Variants in CDH18 observed in about 807,000 individuals in gnomAD.
The protein encoded by CDH18 is cadherin-18.
CDH18 carries 31 observed loss-of-function variants against 67.9 expected under a neutral mutation model. The ratio of observed to expected loss-of-function variants is 0.46; its 90% CI spans 0.34 to 0.62. The LOEUF (loss-of-function observed/expected upper bound fraction) is 0.62. Ranked by LOEUF, CDH18 falls within the 20% of genes least tolerant of loss-of-function variation. The pLI is 0.01. For missense variants in CDH18, 890 were observed against 975.5 expected (o/e 0.91, Z 1.17); for synonymous variants, 362 against 347.2 (o/e 1.04, Z -0.48).
chr5:20,101,502 T>C (rs1180691232), intron 2 of CDH18, among the ~76,000 whole-genome samples: 1 of 152,194 alleles, frequency 6.6e-6, no homozygotes, highest in African/African-American at 2.4e-5. Context: ...ATGGGCTGAC[T>C]TGAAGATGCA....
intron 2 of CDH18, among the ~76,000 whole-genome samples, chr5:20,142,896 G>A (rs529494616): frequency 1.3e-5 from 2 of 152,286 alleles, no homozygotes; most frequent in East Asian, 3.9e-4. Flanking sequence ...TGTGTTTGTA[G>A]GAGTTTGTTA....
At chr5:19,937,522 G>T (rs910755834) in intron 2 of CDH18, among the ~76,000 whole-genome samples, 2 of 151,350 alleles carry the variant, frequency 1.3e-5, no homozygotes, top group African/African-American at 2.4e-5. Context: ...AGTTTTGATT[G>T]CAAATATGTT....
intron 2 of CDH18, among the ~76,000 whole-genome samples, chr5:20,156,950 T>C (rs958937893): frequency 6.6e-6 from 1 of 152,166 alleles, no homozygotes; most frequent in Non-Finnish European, 1.5e-5. Flanking sequence ...GATGGATACA[T>C]TTCAATACCT....
chr5:20,094,400 G>A (rs951893203), intron 2 of CDH18, among the ~76,000 whole-genome samples: 5 of 152,126 alleles, frequency 3.3e-5, no homozygotes, highest in African/African-American at 1.2e-4. Context: ...GTACTGTGAT[G>A]CCTCCAGCTT....
chr5:19,946,096 T>A (rs1332805652), intron 2 of CDH18, among the ~76,000 whole-genome samples: 1 of 151,732 alleles, frequency 6.6e-6, no homozygotes, highest in Non-Finnish European at 1.5e-5. Flanking sequence ...TGGAAAGAAC[T>A]CATAAAAGCA....
At chr5:20,281,435 G>C (rs369661506) in intron 1 of CDH18, among the ~76,000 whole-genome samples, 4 of 152,106 alleles carry the variant, frequency 2.6e-5, no homozygotes, top group Middle Eastern at 3.2e-3. Flanking sequence ...TGGCTAGCCA[G>C]TTTTCCCAGC....
intron 8 of CDH18, among the ~76,000 whole-genome samples, chr5:19,561,506 G>C (rs767611123): frequency 5.3e-5 from 8 of 152,174 alleles, no homozygotes; most frequent in African/African-American, 1.4e-4. Context: ...GGGGACTTGG[G>C]GGAAAGGGTG....
In CDH18 at chr5:19,543,999, G is replaced by T; in HGVS notation, c.1260C>A (p.Phe420Leu). 6.5e-7 allele frequency: 1 copy of T among 1,546,856 alleles called. No individual in the cohort carries two copies. Among genetic ancestry groups the T allele is most frequent in the Non-Finnish European group, 8.8e-7 (1 of 1,138,226 alleles). ...TGTCGTCTTCAACATTGTAGTTGAT[G>T]AAGTATCTAGAGAAAAAAAGAGAAG... The part of the protein sequence containing the change: ...PDSTNSLVRY[F>L]INYNVEDDRF... The change falls in exon 9 of 13, where the codon TTC (phenylalanine) becomes TTA (leucine). Residue 420 changes from phenylalanine (F) to leucine (L), a missense_variant. Physicochemically the swap from Phe to Leu is conservative, Grantham distance 22. Coordinates refer to ENST00000382275, the MANE Select transcript of CDH18 (RefSeq NM_004934.5).
In CDH18 at chr5:20,012,670, T is replaced by C. The variant is rs868756822; in HGVS notation, c.-517-20656A>G. 5.9e-5 allele frequency among the ~76,000 whole-genome samples: 9 copies of C among 152,130 alleles called. No homozygotes were observed. The South Asian group carries it at 6.2e-4, about 11-fold the overall frequency. On this transcript the variant is annotated intron_variant, in intron 2 of 14. Transcript: ENST00000507958. ...ATTCCATGATCATGCCCATAAGTGA[T>C]AGACTGGATGAAGAAAATGTGGTAC...
intron 2 of CDH18, among the ~76,000 whole-genome samples, chr5:20,241,399 G>C (rs1255849591): frequency 6.6e-6 from 1 of 152,106 alleles, no homozygotes; most frequent in Non-Finnish European, 1.5e-5. Flanking sequence ...CCTGACCATG[G>C]TGTGAGTGTG....
chr5:20,056,247 AC>A (rs1397110441), intron 2 of CDH18, among the ~76,000 whole-genome samples: 1 of 146,524 alleles, frequency 6.8e-6, no homozygotes, highest in East Asian at 2.0e-4. Context: ...CAGGTGATCC[AC>A]CCGCCTTGGC....
chr5:19,537,474 A>G (rs1749605757), intron 9 of CDH18, among the ~76,000 whole-genome samples: 1 of 152,108 alleles, frequency 6.6e-6, no homozygotes, highest in Non-Finnish European at 1.5e-5. Context: ...ACACACACAC[A>G]CACACCCACG....
chr5:20,410,599 AG>A (rs1245915407), intron 1 of CDH18, among the ~76,000 whole-genome samples: 1 of 151,626 alleles, frequency 6.6e-6, no homozygotes, highest in East Asian at 1.9e-4. Context: ...AAACATGAGA[AG>A]GATGTCCATT....
chr5:20,130,038 A>G lies in CDH18; in HGVS notation c.-518+125406T>C, dbSNP rs140458788. 1.5e-3 allele frequency among the ~76,000 whole-genome samples: 227 copies of G among 147,828 alleles called. 4 individuals carry two copies. The highest frequency in any genetic ancestry group is 5.4e-3 in the African/African-American group (214 of 39,858). On this transcript the variant is annotated intron_variant, in intron 2 of 14. Coordinates refer to the CDH18 transcript ENST00000507958. ...TAGTCTTGGTGGAAAGTACCTATAC[A>G]GATAATAGATTTAGTGGCAATATTA...
At chr5:19,974,567 T>C (rs1377257047) in intron 2 of CDH18, among the ~76,000 whole-genome samples, 2 of 150,144 alleles carry the variant, frequency 1.3e-5, no homozygotes, top group Non-Finnish European at 3.0e-5. Context: ...AGAGCACACT[T>C]ATGGGAAGGA....
intron 6 of CDH18, among the ~76,000 whole-genome samples, chr5:19,602,797 C>G (rs986789236): frequency 6.6e-6 from 1 of 151,990 alleles, no homozygotes; most frequent in Non-Finnish European, 1.5e-5. Flanking sequence ...AACCCTATCT[C>G]TACTAAAAGT....
At chr5:19,615,944 A>G (rs928279360) in intron 5 of CDH18, among the ~76,000 whole-genome samples, 2 of 152,176 alleles carry the variant, frequency 1.3e-5, no homozygotes, top group African/African-American at 4.8e-5. Flanking sequence ...ACTGAAGGGC[A>G]TCTACTTGCT....
intron 1 of CDH18, among the ~76,000 whole-genome samples, chr5:20,276,143 G>A (rs1324370036): frequency 6.6e-6 from 1 of 152,200 alleles, no homozygotes; most frequent in Non-Finnish European, 1.5e-5. Context: ...AAATCCTGCT[G>A]CTTTGCTGGG....
At chr5:20,547,311 C>G (rs1244870088) in intron 1 of CDH18, among the ~76,000 whole-genome samples, 1 of 151,876 alleles carries the variant, frequency 6.6e-6, no homozygotes, top group African/African-American at 2.4e-5. Flanking sequence ...GCCTGGAATC[C>G]CAGCACTTTG....
Sources: gnomAD v4.1 joint callset for allele counts (sites outside exome capture counted in the v4.1 genomes callset) on GRCh38, gnomAD v4.1.1 for gene constraint, MANE v1.5 for transcripts, NCBI Gene and HGNC (gene_info 2026-07-23, HGNC 2026-07-21) for gene names.